BTD: variants seen among roughly 807,000 people sequenced by gnomAD.
BTD encodes the protein biotinidase, also known as biocytinase.
In BTD, 13 loss-of-function variants were observed where a neutral mutation model predicts 17.7. The observed-to-expected ratio is 0.74, with a 90% CI of 0.48 to 1.17. The LOEUF (loss-of-function observed/expected upper bound fraction) is 1.17. Among genes scored for constraint, BTD ranks in the 50% most tolerant of loss-of-function variants. The probability of loss-of-function intolerance (pLI) is 0.00; values close to 1 mark genes in which losing one functional copy is unlikely to be tolerated. For missense variants in BTD, 674 were observed against 650.4 expected (o/e 1.04, Z -0.39); for synonymous variants, 240 against 245.2 (o/e 0.98, Z 0.20).
chr3:15,631,989 T>C (rs2065221150), intron 1 of BTD, among the ~76,000 whole-genome samples: 1 of 152,080 alleles, frequency 6.6e-6, no homozygotes, highest in Non-Finnish European at 1.5e-5. Context: ...GCTGCCACTT[T>C]CTCCTTGTCC....
At chr3:15,712,077 G>C in exon 4 of BTD, 2 of 1,243,106 alleles carry the variant, frequency 1.6e-6, no homozygotes, top group Non-Finnish European at 2.3e-6. Context: ...GCAGGATAGA[G>C]ACCATCTAAA....
intron 3 of BTD, among the ~76,000 whole-genome samples, chr3:15,659,432 C>A (rs1295991563): frequency 6.6e-6 from 1 of 152,142 alleles, no homozygotes; most frequent in Non-Finnish European, 1.5e-5. Flanking sequence ...TAGGATGTTC[C>A]CACTCAACCT....
intron 1 of BTD, chr3:15,602,353 A>C (rs2064289909): frequency 2.0e-6 from 2 of 1,006,584 alleles, no homozygotes; most frequent in Admixed American, 5.0e-5. Context: ...CTACTAATCC[A>C]TATTACTCTC....
intron 1 of BTD, among the ~76,000 whole-genome samples, chr3:15,613,523 C>T (rs552373709): frequency 5.3e-5 from 8 of 152,064 alleles, no homozygotes; most frequent in Non-Finnish European, 1.0e-4. Flanking sequence ...CCCTCTTCCC[C>T]CTCCTTACCT....
At chr3:15,659,664 T>C (rs954500597) in intron 3 of BTD, among the ~76,000 whole-genome samples, 6 of 152,228 alleles carry the variant, frequency 3.9e-5, no homozygotes, top group African/African-American at 1.4e-4. Flanking sequence ...ACGACTTCTA[T>C]TCACTCTAAG....
intron 3 of BTD, chr3:15,670,286 T>A: frequency 6.2e-7 from 1 of 1,613,400 alleles, no homozygotes; most frequent in Non-Finnish European, 8.5e-7. Context: ...GGTCTCAGAA[T>A]CGGAGTCGTT....
rs1471761467 is a variant in BTD, at chr3:15,652,842, A to G, written c.*7354A>G. On this transcript the variant is annotated 3_prime_UTR_variant, in exon 4 of 4. Coordinates refer to ENST00000643237, the MANE Select transcript of BTD (RefSeq NM_001370658.1). ...ATTAGTGGCTATTATTTGTTGGGTT[A>G]CACAAAGCCAGAAATCATCTACATC... Among the ~76,000 whole-genome samples, 1 of 152,176 alleles carries G rather than the reference A, an allele frequency of 6.6e-6. No homozygotes were observed. The highest frequency in any genetic ancestry group is 1.5e-5 in the Non-Finnish European group (1 of 68,020).
rs2065773911 is a variant in BTD at position 15,649,843 on chromosome 3, G to A, written c.*4355G>A. Among the ~76,000 whole-genome samples, 1 of 152,198 alleles carries A rather than the reference G, an allele frequency of 6.6e-6. No individual in the cohort carries two copies. Among genetic ancestry groups the A allele is most frequent in the East Asian group, 1.9e-4 (1 of 5,200 alleles). Reference sequence around the variant, plus strand: ...CTGAGTTCCCTCTGCCGGAACATGAGCCATGCCTAGAGTAGCCACCTAGTA... The same window carrying A: ...CTGAGTTCCCTCTGCCGGAACATGAACCATGCCTAGAGTAGCCACCTAGTA... On this transcript the variant is annotated 3_prime_UTR_variant, in exon 4 of 4. Transcript: ENST00000643237.
intron 1 of BTD, among the ~76,000 whole-genome samples, chr3:15,602,801 G>A (rs1384280936): frequency 1.3e-5 from 2 of 152,090 alleles, no homozygotes; most frequent in African/African-American, 2.4e-5. Context: ...CCAAGCAGAG[G>A]AGAGTGAAGT....
downstream of BTD, among the ~76,000 whole-genome samples, chr3:15,716,822 C>T (rs137994740): frequency 1.1e-3 from 169 of 152,260 alleles, no homozygotes; most frequent in South Asian, 0.012. Flanking sequence ...TATGGTCAGG[C>T]ACGGTGGCTC....
chr3:15,701,720 C>T (rs2070662111), intron 3 of BTD, among the ~76,000 whole-genome samples: 1 of 151,790 alleles, frequency 6.6e-6, no homozygotes, highest in Non-Finnish European at 1.5e-5. Flanking sequence ...AAAATAAAAC[C>T]CACGTCTGGC....
rs373344768 is a variant in BTD at position 15,601,914 on chromosome 3, C to A, written c.-17+20C>A. 10 of 1,612,768 alleles carry A rather than the reference C, an allele frequency of 6.2e-6. No individual in the cohort carries two copies. The African/African-American group carries it at 1.3e-4, about 22-fold the overall frequency. ...GAGCAGGTACGGAGGGGGCGTGGTG[C>A]GGCGCGGAGGGGGTGTGGTAAGGGC... On this transcript the variant is annotated intron_variant, in intron 1 of 3. Coordinates refer to ENST00000643237, the MANE Select transcript of BTD (RefSeq NM_001370658.1).
chr3:15,623,989 A>G (rs1242827641), intron 1 of BTD, among the ~76,000 whole-genome samples: 2 of 152,222 alleles, frequency 1.3e-5, no homozygotes, highest in African/African-American at 4.8e-5. Flanking sequence ...CAGACGCACA[A>G]TGCTAGGCTG....
chr3:15,703,149 A>G (rs1468929520), intron 3 of BTD, among the ~76,000 whole-genome samples: 1 of 152,242 alleles, frequency 6.6e-6, no homozygotes, highest in Non-Finnish European at 1.5e-5. Flanking sequence ...ATATACCAAC[A>G]CAAAAAAATT....
At chr3:15,633,935 A>G (rs1407605458) in intron 1 of BTD, among the ~76,000 whole-genome samples, 1 of 152,234 alleles carries the variant, frequency 6.6e-6, no homozygotes, top group African/African-American at 2.4e-5. Flanking sequence ...CTGCTCACTC[A>G]AAGACTCCTT....
chr3:15,716,384 A>AG (rs2073051530), downstream of BTD, among the ~76,000 whole-genome samples: 1 of 150,212 alleles, frequency 6.7e-6, no homozygotes, highest in African/African-American at 2.5e-5. Context: ...CTTGAACTCT[A>AG]GGGTTCAAGT....
At chr3:15,712,261 A>G in exon 4 of BTD, 1 of 1,472,508 alleles carries the variant, frequency 6.8e-7, no homozygotes, top group African/African-American at 1.4e-5. Flanking sequence ...TCATTTTAAC[A>G]CAAGAAAAAT....
intron 1 of BTD, among the ~76,000 whole-genome samples, chr3:15,618,872 T>C (rs1017014044): frequency 3.3e-5 from 5 of 152,236 alleles, no homozygotes; most frequent in Non-Finnish European, 7.3e-5. Context: ...TTTGCTGATA[T>C]ATGAGAAATA....
chr3:15,624,707 C>G (rs184928401), intron 1 of BTD, among the ~76,000 whole-genome samples: 1 of 152,172 alleles, frequency 6.6e-6, no homozygotes, highest in East Asian at 1.9e-4. Flanking sequence ...ACATCCCTGC[C>G]ATATCTGACT....
Sources: gnomAD v4.1 joint callset for allele counts (sites outside exome capture counted in the v4.1 genomes callset) on GRCh38, gnomAD v4.1.1 for gene constraint, MANE v1.5 for transcripts, NCBI Gene and HGNC (gene_info 2026-07-23, HGNC 2026-07-21) for gene names.